Variants in ANO5 observed in about 807,000 individuals in gnomAD.
The protein encoded by ANO5 is anoctamin 5.
A neutral mutation model predicts 121.0 loss-of-function variants in ANO5; 109 were observed. That is an observed-to-expected ratio of 0.90 (90% CI 0.77 to 1.06). The LOEUF is 1.06. Among genes scored for constraint, ANO5 ranks in the 50% least tolerant of loss-of-function variants. The pLI, the probability that ANO5 is intolerant of heterozygous loss-of-function variation, is 0.00. For missense variants in ANO5, 1,064 were observed against 1,078.5 expected (o/e 0.99, Z 0.19); for synonymous variants, 406 against 359.9 (o/e 1.13, Z -1.45).
At chr11:22,256,494 G>A (rs1854004020) in intron 13 of ANO5, among the ~76,000 whole-genome samples, 1 of 152,090 alleles carries the variant, frequency 6.6e-6, no homozygotes, top group Admixed American at 6.6e-5. Context: ...GTGGCAGTTT[G>A]AAATTAAGAA....
upstream of ANO5, chr11:22,192,916 C>A: frequency 1.1e-6 from 1 of 938,876 alleles, no homozygotes; most frequent in Non-Finnish European, 1.3e-6. Context: ...CTGGGGACGG[C>A]TTGAGCGGAG....
In ANO5 at chr11:22,281,052, T is replaced by C. The variant is rs1191943904; in HGVS notation, c.*1287T>C. On this transcript the variant is annotated 3_prime_UTR_variant, in exon 22 of 22. Transcript: ENST00000324559. ...TACATGCACAAAAATCCTTGTTCTG[T>C]TTTCACTTAAAAAAACTAAATATGT... The C allele has an allele frequency of 6.6e-6, 1 of 151,970 alleles. No individual in the cohort carries two copies. The highest frequency in any genetic ancestry group is 1.5e-5 in the Non-Finnish European group (1 of 67,872). 9.4% of individuals were successfully genotyped at this position (151,970 alleles called of 1,614,324 possible).
chr11:22,195,477 G>A (rs1851781995), intron 1 of ANO5, among the ~76,000 whole-genome samples: 1 of 151,752 alleles, frequency 6.6e-6, no homozygotes, highest in African/African-American at 2.4e-5. Flanking sequence ...TGCCCAGGCT[G>A]TAATGCAGGG....
chr11:22,225,374 T>C (rs550130430), intron 5 of ANO5, among the ~76,000 whole-genome samples: 2 of 152,158 alleles, frequency 1.3e-5, no homozygotes, highest in South Asian at 4.1e-4. Context: ...GGAGGATCAC[T>C]TGAGCCCAGG....
At position 22,210,735 on chromosome 11, in the gene ANO5, G is replaced by C. The variant is rs576116318; in HGVS notation, c.88-529G>C. Among the ~76,000 whole-genome samples the C allele has an allele frequency of 2.0e-5, 3 of 151,976 alleles. No individual in the cohort carries two copies. The East Asian group carries it at 5.8e-4, about 30-fold the overall frequency. ...TTGTGTGTATTTTTATACATGTATG[G>C]CTTTTTTTGAAGAGGTTATAAATTC... On this transcript the variant is annotated intron_variant, in intron 2 of 21. Coordinates refer to ENST00000324559, the MANE Select transcript of ANO5 (RefSeq NM_213599.3).
At chr11:22,210,749 G>A (rs1459639872) in intron 2 of ANO5, among the ~76,000 whole-genome samples, 1 of 151,786 alleles carries the variant, frequency 6.6e-6, no homozygotes, top group African/African-American at 2.4e-5. Flanking sequence ...TTTTTGAAGA[G>A]GTTATAAATT....
intron 14 of ANO5, 139 bp from the exon 15 acceptor site, chr11:22,259,380 A>G (rs1854110827): frequency 1.2e-6 from 1 of 854,788 alleles, no homozygotes; most frequent in Non-Finnish European, 1.9e-6. Flanking sequence ...AGGGAAAGAG[A>G]GACTGACTTA....
intron 8 of ANO5, among the ~76,000 whole-genome samples, chr11:22,238,530 G>A (rs1439627353): frequency 6.6e-6 from 1 of 151,922 alleles, no homozygotes; most frequent in Non-Finnish European, 1.5e-5. Context: ...TGAATGCAGT[G>A]TTAGGCACTG....
In ANO5 at chr11:22,272,902, C is replaced by G; in HGVS notation, c.2148C>G (p.Tyr716Ter). Residue 716 changes from tyrosine (Y) to a stop codon, truncating the protein, a stop_gained, in exon 19 of 22, where the codon TAC becomes TAG. Transcript: ENST00000324559. LOFTEE classifies it high-confidence loss of function. ...RVDAWKLTTQ[Y>*]RRTVASKAHS... is the part of the protein sequence containing the mutation. ...ATGCCTGGAAACTTACCACTCAATA[C>G]AGGAGAACTGTAGCTTCTAAAGCTC... is the stretch of plus-strand genomic sequence containing the variant. The G allele has an allele frequency of 1.2e-6, 2 of 1,614,016 alleles. No homozygotes were observed. Among genetic ancestry groups the G allele is most frequent in the Non-Finnish European group, 1.7e-6 (2 of 1,179,986 alleles).
intron 1 of ANO5, among the ~76,000 whole-genome samples, chr11:22,194,265 A>G (rs1169643399): frequency 3.3e-5 from 5 of 152,218 alleles, no homozygotes; most frequent in Admixed American, 1.3e-4. Context: ...TTTTGCTGCT[A>G]TCTCCAGGAC....
In ANO5 at chr11:22,220,263, C is replaced by T. The variant is rs115163078; in HGVS notation, c.181-834C>T. ...TGACAGCCACTGTATTATCTATTTG[C>T]ATAATTCTAAGTGTAATAATACATG... On this transcript the variant is annotated intron_variant, in intron 4 of 21. Coordinates refer to ENST00000324559, the MANE Select transcript of ANO5 (RefSeq NM_213599.3). 3.0e-3 allele frequency among the ~76,000 whole-genome samples: 461 copies of T among 152,110 alleles called. 8 individuals carry two copies. The highest frequency in any genetic ancestry group is 0.011 in the African/African-American group (439 of 41,540).
Position 22,211,251 on chromosome 11 carries a change from CT to C in ANO5, c.88-12del, listed in dbSNP as rs1239090613. 6.2e-7 allele frequency: 1 copy of C among 1,611,654 alleles called. No individual in the cohort carries two copies. Among genetic ancestry groups the C allele is most frequent in the Non-Finnish European group, 8.5e-7 (1 of 1,178,274 alleles). ...ATTAATAATAGCATTATATCTTCCC[CT>C]GGTACTGTTAGCAGAGCCTGAGCAG... is the stretch of plus-strand genomic sequence containing the variant. On this transcript the variant is annotated splice_polypyrimidine_tract_variant and intron_variant, in intron 2 of 21. Coordinates refer to ENST00000324559, the MANE Select transcript of ANO5 (RefSeq NM_213599.3).
At chr11:22,242,553 T>C (rs372355034) in intron 9 of ANO5, among the ~76,000 whole-genome samples, 35 of 152,284 alleles carry the variant, frequency 2.3e-4, no homozygotes, top group African/African-American at 7.7e-4. Context: ...TTTATTTGTG[T>C]CATCTCTGAT....
rs7481951 is a variant in ANO5 at position 22,250,324 on chromosome 11, A to C, written c.966A>C (p.Leu322Phe). ...TATTCTTTGCAGCTGTAGTTGGCTTAGCTTGTTTTATTTATGGCTTATTAT... is the reference window on the plus strand; with the variant it reads ...TATTCTTTGCAGCTGTAGTTGGCTTCGCTTGTTTTATTTATGGCTTATTAT... ...EMLFFAAVVG[L>F]ACFIYGLLSM... is the part of the protein sequence containing the mutation. The change falls in exon 10 of 22, where the codon TTA (leucine) becomes TTC (phenylalanine). Residue 322 changes from leucine (L) to phenylalanine (F), a missense_variant. Coordinates refer to ENST00000324559, the MANE Select transcript of ANO5 (RefSeq NM_213599.3). 2 of 1,612,946 alleles carry C rather than the reference A, an allele frequency of 1.2e-6. No homozygotes were observed. The highest frequency in any genetic ancestry group is 4.5e-5 in the East Asian group (2 of 44,778).
In ANO5 at chr11:22,262,248, G is replaced by A; in HGVS notation, c.1750G>A (p.Gly584Ser). 6.2e-7 allele frequency: 1 copy of A among 1,613,868 alleles called. No individual in the cohort carries two copies. Among genetic ancestry groups the A allele is most frequent in the Non-Finnish European group, 8.5e-7 (1 of 1,179,952 alleles). The change falls in exon 16 of 22, where the codon GGC (glycine) becomes AGC (serine). Residue 584 changes from glycine to serine, a missense_variant. By Grantham distance (56) the Gly-to-Ser change is moderately conservative. Transcript: ENST00000324559. Reference protein sequence around the residue: ...YVAFFKGKFVGYPGKYTYLFN... With the variant: ...YVAFFKGKFVSYPGKYTYLFN... Reference sequence around the variant, plus strand: ...AGCTTTCTTTAAAGGGAAGTTCGTAGGCTATCCTGGAAAATACACATATTT... The same window carrying A: ...AGCTTTCTTTAAAGGGAAGTTCGTAAGCTATCCTGGAAAATACACATATTT...
intron 19 of ANO5, among the ~76,000 whole-genome samples, chr11:22,273,421 T>C (rs758783017): frequency 3.9e-5 from 6 of 152,146 alleles, no homozygotes; most frequent in Non-Finnish European, 7.4e-5. Context: ...ATATACTTTA[T>C]AAATTGAAGT....
rs1855004350 is a variant in ANO5, at chr11:22,279,691, A to T, written c.2668A>T (p.Ile890Phe). 1 of 1,612,882 alleles carries T rather than the reference A, an allele frequency of 6.2e-7. No individual in the cohort carries two copies. Among genetic ancestry groups the T allele is most frequent in the East Asian group, 2.2e-5 (1 of 44,836 alleles). Residue 890 changes from isoleucine (I) to phenylalanine (F), a missense_variant, in exon 22 of 22, where the codon ATT becomes TTT. By Grantham distance (21) the Ile-to-Phe change is conservative (BLOSUM62 0). Transcript: ENST00000324559. ...CAACAAATTAAAAGAGAACTTGGGA[A>T]TTAATTCTAATGAATTTGCCAAGCA... ...ELNKLKENLG[I>F]NSNEFAKHVM...
At chr11:22,228,576 C>G (rs1852926413) in intron 7 of ANO5, among the ~76,000 whole-genome samples, 1 of 151,804 alleles carries the variant, frequency 6.6e-6, no homozygotes. Context: ...AATAGAACAC[C>G]AGAACTTATT....
chr11:22,203,249 A>T (rs977211755), intron 1 of ANO5, among the ~76,000 whole-genome samples: 1 of 152,168 alleles, frequency 6.6e-6, no homozygotes, highest in East Asian at 1.9e-4. Context: ...TAAGAATTTC[A>T]GTTCTGTATT....
Sources: allele counts gnomAD v4.1 joint callset (sites outside exome capture counted in the v4.1 genomes callset), GRCh38; gene constraint gnomAD v4.1.1; transcripts MANE v1.5; gene names NCBI Gene and HGNC (gene_info 2026-07-23, HGNC 2026-07-21).